CMTM7: variants seen among roughly 807,000 people sequenced by gnomAD.
CMTM7 encodes the protein CKLF like MARVEL transmembrane domain containing 7.
A neutral mutation model predicts 19.3 loss-of-function variants in CMTM7; 7 were observed. That is an observed-to-expected ratio of 0.36 (90% confidence interval 0.21 to 0.68). The LOEUF (loss-of-function observed/expected upper bound fraction) is 0.68, where lower values mean the gene tolerates loss of function less well. Ranked by LOEUF, CMTM7 falls within the 30% of genes least tolerant of loss-of-function variation. The pLI, the probability that CMTM7 is intolerant of heterozygous loss-of-function variation, is 0.60. For synonymous variants in CMTM7, 87 were observed against 99.3 expected (o/e 0.88, Z 0.74); for missense variants, 193 against 232.6 (o/e 0.83, Z 1.11).
chr3:32,451,981 ACGC>A, intron 3 of CMTM7: 1 of 866,794 alleles, frequency 1.2e-6, no homozygotes, highest in Non-Finnish European at 1.7e-6. Flanking sequence ...AATGCGAACA[ACGC>A]CACTACACCA....
At chr3:32,393,677 T>G (rs1222918603) in intron 1 of CMTM7, among the ~76,000 whole-genome samples, 2 of 151,226 alleles carry the variant, frequency 1.3e-5, no homozygotes, top group East Asian at 3.9e-4. Flanking sequence ...CTAGTCCCAG[T>G]TACTTGGGAG....
chr3:32,402,092 T>G (rs1303736386), intron 1 of CMTM7, among the ~76,000 whole-genome samples: 2 of 152,128 alleles, frequency 1.3e-5, no homozygotes, highest in Non-Finnish European at 2.9e-5. Flanking sequence ...TTTGTTTGTT[T>G]ATTTGTTTGT....
chr3:32,437,928 A>G (rs1011900483), intron 1 of CMTM7, among the ~76,000 whole-genome samples: 1 of 152,202 alleles, frequency 6.6e-6, no homozygotes, highest in Non-Finnish European at 1.5e-5. Context: ...CTGGACATTT[A>G]TGTTAGATAT....
chr3:32,405,788 T>A (rs1696083543), intron 1 of CMTM7, among the ~76,000 whole-genome samples: 1 of 152,216 alleles, frequency 6.6e-6, no homozygotes, highest in South Asian at 2.1e-4. Context: ...AAATATCTTG[T>A]AAGTTATACA....
Position 32,449,931 on chromosome 3 carries a change from G to C in CMTM7, c.432+379G>C, listed in dbSNP as rs1437812965. On this transcript the variant is annotated intron_variant, in intron 3 of 4. Transcript: ENST00000334983. The surrounding 1 kb of genome is among the most constrained non-coding windows in gnomAD (Gnocchi z 4.5). Reference sequence around the variant, plus strand: ...TTGGGCCCAGTGGGAAATGTACTGTGATCAATTAGAGATACATGCCATGAG... The same window carrying C: ...TTGGGCCCAGTGGGAAATGTACTGTCATCAATTAGAGATACATGCCATGAG... Among the ~76,000 whole-genome samples, 1 of 152,132 alleles carries C rather than the reference G, an allele frequency of 6.6e-6. No homozygotes were observed. Among genetic ancestry groups the C allele is most frequent in the Non-Finnish European group, 1.5e-5 (1 of 68,026 alleles).
chr3:32,408,335 G>A (rs1190395864), intron 1 of CMTM7, among the ~76,000 whole-genome samples: 1 of 152,192 alleles, frequency 6.6e-6, no homozygotes, highest in Non-Finnish European at 1.5e-5. Flanking sequence ...ACAATCAGAT[G>A]CTAAAAATCT....
chr3:32,392,166 C>T, intron 1 of CMTM7, 101 bp downstream of exon 1: 3 of 920,408 alleles, frequency 3.3e-6, no homozygotes, highest in Non-Finnish European at 4.3e-6. Context: ...GGCCGGAGCC[C>T]AGGGAGCATC....
At chr3:32,406,563 A>G (rs919079731) in intron 1 of CMTM7, among the ~76,000 whole-genome samples, 3 of 152,102 alleles carry the variant, frequency 2.0e-5, no homozygotes, top group Non-Finnish European at 4.4e-5. Context: ...ATCCCACTCA[A>G]ATTTCTTTAG....
chr3:32,453,274 C>T lies in CMTM7; in HGVS notation c.514+801C>T, dbSNP rs181238195. Among the ~76,000 whole-genome samples the T allele has an allele frequency of 2.7e-3, 416 of 152,072 alleles. 1 individual carries two copies. The highest frequency in any genetic ancestry group is 5.0e-3 in the Non-Finnish European group (340 of 67,990). On this transcript the variant is annotated intron_variant, in intron 4 of 4. Coordinates refer to ENST00000334983, the MANE Select transcript of CMTM7 (RefSeq NM_138410.4). ...TGAGCAACATAGTCAGACTCCGTCT[C>T]TTAAAAAATAAAATAAAATAAGAAA...
At chr3:32,424,013 A>G (rs944667560) in intron 1 of CMTM7, among the ~76,000 whole-genome samples, 7 of 152,232 alleles carry the variant, frequency 4.6e-5, no homozygotes, top group African/African-American at 1.7e-4. Flanking sequence ...TTACTCAAAA[A>G]TTTAATGGTG....
At chr3:32,408,447 C>A (rs549599280) in intron 1 of CMTM7, among the ~76,000 whole-genome samples, 1 of 152,332 alleles carries the variant, frequency 6.6e-6, no homozygotes, top group East Asian at 1.9e-4. Context: ...ACGCTGTCTG[C>A]CTCTCAGAAT....
chr3:32,442,738 TC>T (rs959242178), intron 2 of CMTM7, among the ~76,000 whole-genome samples: 1 of 152,116 alleles, frequency 6.6e-6, no homozygotes, highest in Non-Finnish European at 1.5e-5. Flanking sequence ...GACTTTTTCT[TC>T]CCACTGTATT....
chr3:32,422,201 C>A (rs1342306600), intron 1 of CMTM7, among the ~76,000 whole-genome samples: 4 of 152,188 alleles, frequency 2.6e-5, no homozygotes, highest in African/African-American at 9.7e-5. Flanking sequence ...CCCTTAATGG[C>A]TTTTCTATTC....
chr3:32,393,031 G>A (rs1695863522), intron 1 of CMTM7, among the ~76,000 whole-genome samples: 1 of 152,112 alleles, frequency 6.6e-6, no homozygotes, highest in Admixed American at 6.5e-5. Context: ...GGAGGGGAGC[G>A]GTAAGTTTCA....
chr3:32,415,482 T>A (rs1021356303), intron 1 of CMTM7, among the ~76,000 whole-genome samples: 2 of 152,242 alleles, frequency 1.3e-5, no homozygotes, highest in African/African-American at 2.4e-5. Flanking sequence ...TCTTTCATGC[T>A]ACTCTTCATC....
At chr3:32,425,533 A>G (rs1184606816) in intron 1 of CMTM7, among the ~76,000 whole-genome samples, 1 of 152,042 alleles carries the variant, frequency 6.6e-6, no homozygotes, top group Non-Finnish European at 1.5e-5. Context: ...GTATTTTCTA[A>G]ATTTTTCCCA....
intron 1 of CMTM7, among the ~76,000 whole-genome samples, chr3:32,431,363 T>G (rs1696515840): frequency 6.6e-6 from 1 of 152,234 alleles, no homozygotes; most frequent in Non-Finnish European, 1.5e-5. Flanking sequence ...CTGCCTGAAT[T>G]AATTTCTATA....
At chr3:32,426,405 A>G (rs565492199) in intron 1 of CMTM7, among the ~76,000 whole-genome samples, 1 of 152,368 alleles carries the variant, frequency 6.6e-6, no homozygotes, top group Non-Finnish European at 1.5e-5. Context: ...TAATTACAAA[A>G]TAGTAATATT....
chr3:32,436,196 G>A (rs903647967), intron 1 of CMTM7, among the ~76,000 whole-genome samples: 3 of 152,186 alleles, frequency 2.0e-5, no homozygotes, highest in Non-Finnish European at 4.4e-5. Context: ...TATGTGCTGG[G>A]GGGAATAGGA....
Sources: allele counts gnomAD v4.1 joint callset (sites outside exome capture counted in the v4.1 genomes callset), GRCh38; gene constraint gnomAD v4.1.1; non-coding constraint Gnocchi (gnomAD v3.1); transcripts MANE v1.5; gene names NCBI Gene and HGNC (gene_info 2026-07-23, HGNC 2026-07-21).